Variants in COP1 observed in about 807,000 individuals in gnomAD.
COP1 encodes the protein E3 ubiquitin-protein ligase COP1.
COP1 carries 24 observed loss-of-function variants against 101.3 expected under a neutral mutation model. The ratio of observed to expected loss-of-function variants is 0.24; its 90% CI spans 0.17 to 0.33. COP1 has a LOEUF of 0.33. Among genes scored for constraint, COP1 ranks in the 10% least tolerant of loss-of-function variants. COP1 has a pLI of 1.00. For missense variants in COP1, 663 were observed against 906.2 expected (o/e 0.73, Z 3.45); for synonymous variants, 347 against 341.9 (o/e 1.01, Z -0.17).
At chr1:176,024,069 C>A (rs1667261592) in intron 15 of COP1, among the ~76,000 whole-genome samples, 1 of 152,102 alleles carries the variant, frequency 6.6e-6, no homozygotes, top group South Asian at 2.1e-4. Context: ...ACCAGCCTGG[C>A]CAAGATGGTG....
At chr1:176,159,767 A>C (rs1373278811) in intron 5 of COP1, among the ~76,000 whole-genome samples, 1 of 152,208 alleles carries the variant, frequency 6.6e-6, no homozygotes, top group Admixed American at 6.5e-5. Context: ...GTAGATACTA[A>C]CATACATAAG....
At chr1:176,201,623 T>C (rs929833950) in intron 1 of COP1, among the ~76,000 whole-genome samples, 3 of 152,250 alleles carry the variant, frequency 2.0e-5, no homozygotes, top group African/African-American at 7.2e-5. Flanking sequence ...TCTCAATTTA[T>C]AGACTACAAT....
chr1:176,198,972 C>G (rs1452243571), intron 1 of COP1, among the ~76,000 whole-genome samples: 1 of 152,106 alleles, frequency 6.6e-6, no homozygotes. Context: ...TAAAACAATA[C>G]AAGAAATAAA....
At chr1:176,150,119 A>C (rs977158410) in intron 5 of COP1, among the ~76,000 whole-genome samples, 4 of 152,212 alleles carry the variant, frequency 2.6e-5, no homozygotes, top group Admixed American at 2.0e-4. Flanking sequence ...GATAAGAATA[A>C]GCCAATTAAA....
intron 18 of COP1, among the ~76,000 whole-genome samples, chr1:175,965,443 G>C (rs976831354): frequency 6.6e-6 from 1 of 151,906 alleles, no homozygotes; most frequent in Non-Finnish European, 1.5e-5. Flanking sequence ...TCATCCTATT[G>C]GGCCACTGTT....
At chr1:176,177,695 A>G (rs1261605809) in intron 2 of COP1, among the ~76,000 whole-genome samples, 1 of 152,170 alleles carries the variant, frequency 6.6e-6, no homozygotes, top group Non-Finnish European at 1.5e-5. Flanking sequence ...ACGTATCCAA[A>G]TTACTATAAA....
intron 9 of COP1, among the ~76,000 whole-genome samples, chr1:176,110,570 G>C (rs73042723): frequency 0.053 from 8,094 of 152,144 alleles, 468 homozygotes; most frequent in Middle Eastern, 0.14. Flanking sequence ...CTTCATTATA[G>C]CAAGGATTAC....
At position 176,160,319 on chromosome 1, in the gene COP1, G is replaced by T. The variant is rs189470441; in HGVS notation, c.762+2550C>A. On this transcript the variant is annotated intron_variant, in intron 5 of 19. Transcript: ENST00000367669. ...CTGGGACACGAGTGCAGAATGTGTAGGTTTGTTACCTAGGCAATATCATTC... is the reference window on the plus strand; with the variant it reads ...CTGGGACACGAGTGCAGAATGTGTATGTTTGTTACCTAGGCAATATCATTC... 4.1e-4 allele frequency: 146 copies of T among 353,298 alleles called. No individual in the cohort carries two copies. The East Asian group carries it at 0.011, about 26-fold the overall frequency. 21.9% of individuals were successfully genotyped at this position (353,298 alleles called of 1,614,324 possible). A position where few individuals can be genotyped will look rare whatever the true frequency, so the allele number is the denominator to read the frequency against.
At chr1:175,978,655 C>G (rs1330301561) in intron 18 of COP1, among the ~76,000 whole-genome samples, 1 of 151,990 alleles carries the variant, frequency 6.6e-6, no homozygotes, top group Admixed American at 6.6e-5. Flanking sequence ...ATTCTACTCC[C>G]AAGACAGACA....
chr1:176,200,783 A>G (rs2102267135), intron 1 of COP1, among the ~76,000 whole-genome samples: 1 of 152,358 alleles, frequency 6.6e-6, no homozygotes, highest in South Asian at 2.1e-4. Context: ...CACATAAAGA[A>G]AGAGGACAAA....
rs538426529 is a variant in COP1 at position 176,062,111 on chromosome 1, C to T, written c.1278-15787G>A. 5.3e-5 allele frequency among the ~76,000 whole-genome samples: 8 copies of T among 152,262 alleles called. No individual in the cohort carries two copies. The South Asian group carries it at 1.4e-3, about 28-fold the overall frequency. On this transcript the variant is annotated intron_variant, in intron 11 of 19. Transcript: ENST00000367669. Reference sequence around the variant, plus strand: ...GCCTTTCCAGGTTCACGTCATTCTCCTGCCTCAGCCTCCCGAGTAGCTGGG... The same window carrying T: ...GCCTTTCCAGGTTCACGTCATTCTCTTGCCTCAGCCTCCCGAGTAGCTGGG...
chr1:175,975,027 A>G lies in COP1; in HGVS notation c.2133+11916T>C, dbSNP rs930925140. Reference sequence around the variant, plus strand: ...AATCTCATGCTCATTTTTAAAAAATATTGACAGCTGTCAGTAAGAAACATG... The same window carrying G: ...AATCTCATGCTCATTTTTAAAAAATGTTGACAGCTGTCAGTAAGAAACATG... On this transcript the variant is annotated intron_variant, in intron 18 of 19. Transcript: ENST00000367669. Among the ~76,000 whole-genome samples the G allele has an allele frequency of 5.9e-5, 9 of 152,192 alleles. 1 individual carries two copies. In the South Asian group the frequency reaches 1.0e-3, roughly 18 times the overall value.
chr1:176,060,183 T>G (rs564442969), intron 11 of COP1, among the ~76,000 whole-genome samples: 1 of 152,238 alleles, frequency 6.6e-6, no homozygotes. Flanking sequence ...TTAAAAAAAT[T>G]TACTTTCTTA....
intron 11 of COP1, among the ~76,000 whole-genome samples, chr1:176,061,321 T>C (rs1195859728): frequency 6.6e-6 from 1 of 152,182 alleles, no homozygotes; most frequent in African/African-American, 2.4e-5. Context: ...GGTATCTCTA[T>C]ACTGGCAGGA....
chr1:176,168,707 CA>C, intron 3 of COP1: 1 of 340,058 alleles, frequency 2.9e-6, no homozygotes, highest in South Asian at 2.2e-5. Flanking sequence ...AGAGAGCATT[CA>C]AAACCAAGGG....
rs199576832 is a variant in COP1 at position 176,207,094 on chromosome 1, G to A, written c.-116C>T. ...TCCTGAGGACGCCCGCCGAGCCGGA[G>A]GTGGGGCTGAGGAACAATAAAGTTG... On this transcript the variant is annotated 5_prime_UTR_variant, in exon 1 of 20. Coordinates refer to ENST00000367669, the MANE Select transcript of COP1 (RefSeq NM_022457.7). 3,423 of 831,462 alleles carry A rather than the reference G, an allele frequency of 4.1e-3. 8 individuals carry two copies. The highest frequency in any genetic ancestry group is 5.2e-3 in the Middle Eastern group (13 of 2,494). The allele number at this position is 831,462 out of a possible 1,614,324, so 51.5% of individuals were successfully genotyped here.
At chr1:176,077,913 G>T (rs112904877) in intron 11 of COP1, among the ~76,000 whole-genome samples, 1 of 151,722 alleles carries the variant, frequency 6.6e-6, no homozygotes, top group Non-Finnish European at 1.5e-5. Flanking sequence ...TAGCCACAAA[G>T]AAAATAACTA....
At chr1:176,021,186 C>T (rs536633043) in intron 15 of COP1, among the ~76,000 whole-genome samples, 1 of 152,284 alleles carries the variant, frequency 6.6e-6, no homozygotes, top group Non-Finnish European at 1.5e-5. Flanking sequence ...GTGCTAATTA[C>T]TAGGCATATT....
At chr1:176,173,324 GAAA>G (rs11396126) in intron 3 of COP1, among the ~76,000 whole-genome samples, 14 of 93,708 alleles carry the variant, frequency 1.5e-4, no homozygotes, top group East Asian at 6.9e-4. Context: ...AAAACAAAAT[GAAA>G]AAAAAAAAAA....
Sources: allele counts gnomAD v4.1 joint callset (sites outside exome capture counted in the v4.1 genomes callset), GRCh38; gene constraint gnomAD v4.1.1; transcripts MANE v1.5; gene names NCBI Gene and HGNC (gene_info 2026-07-23, HGNC 2026-07-21).